SLC6A9: variants seen among roughly 807,000 people sequenced by gnomAD.
SLC6A9 encodes solute carrier family 6 member 9.
SLC6A9 carries 31 observed loss-of-function variants against 70.9 expected under a neutral mutation model. The observed-to-expected ratio is 0.44, with a 90% CI of 0.33 to 0.59. The LOEUF is 0.59. Among genes scored for constraint, SLC6A9 ranks in the 20% least tolerant of loss-of-function variants. The probability of loss-of-function intolerance (pLI) is 0.04; values close to 1 mark genes in which losing one functional copy is unlikely to be tolerated. For synonymous variants in SLC6A9, 310 were observed against 341.3 expected, an observed-to-expected ratio of 0.91 and a Z score of 1.01; for missense variants, 631 against 845.2, an observed-to-expected ratio of 0.75 and a Z score of 3.14.
intron 2 of SLC6A9, among the ~76,000 whole-genome samples, chr1:44,019,982 C>T (rs1557693437): frequency 6.6e-6 from 1 of 152,044 alleles, no homozygotes; most frequent in Non-Finnish European, 1.5e-5. Context: ...GCAGGGCCCC[C>T]GACCAGAGAG....
At chr1:44,015,642 C>T (rs2086715255) in intron 2 of SLC6A9, among the ~76,000 whole-genome samples, 1 of 152,264 alleles carries the variant, frequency 6.6e-6, no homozygotes, top group Non-Finnish European at 1.5e-5. Flanking sequence ...CCCACGACCT[C>T]CTTCCGGCCA....
At chr1:44,000,720 T>A (rs200667978) in intron 12 of SLC6A9, 47 bp downstream of exon 12, 8 of 1,275,716 alleles carry the variant, frequency 6.3e-6, no homozygotes, top group South Asian at 1.3e-5. Flanking sequence ...GATGGACACA[T>A]GGCCAAGGGG....
At chr1:44,019,784 G>A (rs1296865980) in intron 2 of SLC6A9, among the ~76,000 whole-genome samples, 1 of 152,278 alleles carries the variant, frequency 6.6e-6, no homozygotes, top group Non-Finnish European at 1.5e-5. Flanking sequence ...TAATAAGAGT[G>A]GGCATGCTTC....
chr1:44,008,656 C>T (rs199728290), intron 4 of SLC6A9, 33 bp from the exon 5 acceptor site: 15 of 1,573,264 alleles, frequency 9.5e-6, no homozygotes, highest in Non-Finnish European at 1.3e-5. Context: ...GGAGGAGCCT[C>T]AGCATCCAGC....
chr1:44,028,026 CAA>C (rs1357653350), intron 1 of SLC6A9, among the ~76,000 whole-genome samples: 3 of 152,104 alleles, frequency 2.0e-5, no homozygotes, highest in Non-Finnish European at 4.4e-5. Context: ...GTGTAAAAGA[CAA>C]AGATTGTGTT....
At chr1:44,015,640 C>T (rs1180699212) in intron 2 of SLC6A9, among the ~76,000 whole-genome samples, 1 of 152,260 alleles carries the variant, frequency 6.6e-6, no homozygotes, top group African/African-American at 2.4e-5. Context: ...ACCCCACGAC[C>T]TCCTTCCGGC....
At chr1:44,021,050 C>G (rs2086872617) in intron 2 of SLC6A9, among the ~76,000 whole-genome samples, 1 of 152,182 alleles carries the variant, frequency 6.6e-6, no homozygotes, top group Non-Finnish European at 1.5e-5. Context: ...AGGTGGCCAG[C>G]CTGGGAAATG....
rs1557668170 is a variant in SLC6A9 at position 44,000,956 on chromosome 1, C to G, written c.1435G>C (p.Gly479Arg). 2 of 1,601,628 alleles carry G rather than the reference C, an allele frequency of 1.2e-6. No homozygotes were observed. Residue 479 changes from glycine to arginine, a missense_variant and splice_region_variant, in exon 11 of 14, where the codon GGG (glycine) becomes CGG (arginine). By Grantham distance (125) the Gly-to-Arg change is moderately radical. Coordinates refer to ENST00000372310, the MANE Select transcript of SLC6A9 (RefSeq NM_001024845.3). ...GGAGGCCGGAGGCTCGAGTGCTCAC[C>G]GTAGATGTACATGATGGCCACACAC... ...IMCVAIMYIY[G>R]HRNYFQDIQM...
chr1:44,029,902 A>G (rs1441667759), intron 1 of SLC6A9, among the ~76,000 whole-genome samples: 1 of 152,124 alleles, frequency 6.6e-6, no homozygotes, highest in African/African-American at 2.4e-5. Context: ...GGCAGTCTTT[A>G]ACCTTTCAGG....
rs2086625752 is a variant in SLC6A9 at position 44,013,021 on chromosome 1, T to C, written c.31-2139A>G. ...CCAGCCAAATAGGGCTCCTATATGT[T>C]GACCCTACAATACCAGTTTTATTCT... On this transcript the variant is annotated intron_variant, in intron 2 of 13. Transcript: ENST00000372310. The surrounding 1 kb of genome is among the most constrained non-coding windows in gnomAD (Gnocchi z 5.3). 6.6e-6 allele frequency among the ~76,000 whole-genome samples: 1 copy of C among 152,220 alleles called. No homozygotes were observed. The highest frequency in any genetic ancestry group is 1.5e-5 in the Non-Finnish European group (1 of 68,030).
chr1:43,998,104 T>C (rs1465328327), intron 12 of SLC6A9, 79 bp from the exon 13 acceptor site: 5 of 1,350,638 alleles, frequency 3.7e-6, no homozygotes, highest in Non-Finnish European at 5.1e-6. Flanking sequence ...CCAGCACCCT[T>C]TCCTCTCTGG....
chr1:44,027,832 G>A (rs2087009965), intron 1 of SLC6A9, among the ~76,000 whole-genome samples: 1 of 152,104 alleles, frequency 6.6e-6, no homozygotes, highest in South Asian at 2.1e-4. Context: ...AAAATTAGCT[G>A]GGCGTGGTGG....
intron 1 of SLC6A9, among the ~76,000 whole-genome samples, chr1:44,029,963 G>A (rs1215513962): frequency 6.6e-6 from 1 of 152,174 alleles, no homozygotes; most frequent in East Asian, 1.9e-4. Context: ...CCCAACGGCC[G>A]CACCCTCACG....
At chr1:44,015,354 C>T (rs1459769394) in intron 2 of SLC6A9, among the ~76,000 whole-genome samples, 1 of 152,178 alleles carries the variant, frequency 6.6e-6, no homozygotes, top group Non-Finnish European at 1.5e-5. Context: ...TGAGCTTCCC[C>T]CTCCTGCTCT....
chr1:44,008,122 C>T (rs191739232), intron 5 of SLC6A9, among the ~76,000 whole-genome samples: 2 of 152,298 alleles, frequency 1.3e-5, no homozygotes, highest in Admixed American at 6.5e-5. Flanking sequence ...CCCGCCTCGG[C>T]CTCCCAAAGT....
In SLC6A9 at chr1:44,001,280, G is replaced by T. The variant is rs1479367249; in HGVS notation, c.1219C>A (p.Leu407Met). The change falls in exon 10 of 14, where the codon CTG becomes ATG. Residue 407 changes from leucine (L) to methionine (M), a missense_variant. Physicochemically the swap from Leu to Met is conservative, Grantham distance 15. Coordinates refer to ENST00000372310, the MANE Select transcript of SLC6A9 (RefSeq NM_001024845.3). ...ACCTCATCCACAATGGCTGTGACCA[G>T]CGTCTCCAGGAGGCAGAACTGCAGG... ...LGTQFCLLETLVTAIVDEVGN... is the reference protein window; with the variant it reads ...LGTQFCLLETMVTAIVDEVGN... The T allele has an allele frequency of 6.2e-7, 1 of 1,614,248 alleles. No individual in the cohort carries two copies. Among genetic ancestry groups the T allele is most frequent in the Non-Finnish European group, 8.5e-7 (1 of 1,180,050 alleles).
rs565476566 is a variant in SLC6A9, at chr1:44,001,068, G to A, written c.1336-13C>T. The A allele has an allele frequency of 7.5e-6, 12 of 1,594,370 alleles. No homozygotes were observed. The highest frequency in any genetic ancestry group is 2.7e-5 in the African/African-American group (2 of 74,612). Reference sequence around the variant, plus strand: ...AATAGATGCCTGCCTGGGGAACAGCGGGCAGCTGTGGGAGGCGCCTGCAGC... The same window carrying A: ...AATAGATGCCTGCCTGGGGAACAGCAGGCAGCTGTGGGAGGCGCCTGCAGC... On this transcript the variant is annotated splice_polypyrimidine_tract_variant and intron_variant, in intron 10 of 13. Coordinates refer to ENST00000372310, the MANE Select transcript of SLC6A9 (RefSeq NM_001024845.3).
At chr1:44,005,452 G>C (rs1270393515) in intron 5 of SLC6A9, among the ~76,000 whole-genome samples, 1 of 152,110 alleles carries the variant, frequency 6.6e-6, no homozygotes, top group Non-Finnish European at 1.5e-5. Context: ...TTGTAAAATG[G>C]TGATTTTTAA....
Position 43,997,724 on chromosome 1 carries a change from T to TG in SLC6A9, c.1722dup (p.Thr575HisfsTer28). The TG allele has an allele frequency of 6.2e-7, 1 of 1,607,008 alleles. No individual in the cohort carries two copies. Among genetic ancestry groups the TG allele is most frequent in the Non-Finnish European group, 8.5e-7 (1 of 1,176,770 alleles). On this transcript the variant is annotated frameshift_variant, in exon 14 of 14. Coordinates refer to ENST00000372310, the MANE Select transcript of SLC6A9 (RefSeq NM_001024845.3). LOFTEE classifies it high-confidence loss of function. This position sits in a 1 kb window ranked among gnomAD's most constrained non-coding sequence, Gnocchi z 4.4. ...GGGCCCCAGTCTCTGCTTGGCTTTG[T>TG]GGCATTTTTCAAACGCTGCATGAGG...
Sources: gnomAD v4.1 joint callset for allele counts (sites outside exome capture counted in the v4.1 genomes callset) on GRCh38, gnomAD v4.1.1 for gene constraint, Gnocchi (gnomAD v3.1) non-coding constraint, MANE v1.5 for transcripts, NCBI Gene and HGNC (gene_info 2026-07-23, HGNC 2026-07-21) for gene names.